ZNF185: variants seen among roughly 807,000 people sequenced by gnomAD.
ZNF185 encodes the protein zinc finger protein 185.
In ZNF185, 56 loss-of-function variants were observed where a neutral mutation model predicts 58.6. The observed-to-expected ratio is 0.95, with a 90% confidence interval of 0.77 to 1.19. The LOEUF is 1.19. Among genes scored for constraint, ZNF185 ranks in the 50% most tolerant of loss-of-function variants. The probability of loss-of-function intolerance (pLI) is 0.00; values close to 1 mark genes in which losing one functional copy is unlikely to be tolerated. For synonymous variants in ZNF185, 230 were observed against 215.9 expected, an observed-to-expected ratio of 1.07 and a Z score of -0.57; for missense variants, 627 against 573.5, an observed-to-expected ratio of 1.09 and a Z score of -0.95.
chrX:152,934,694 G>C (rs782727306), intron 14 of ZNF185, among the ~76,000 whole-genome samples: 3 of 112,331 alleles, frequency 2.7e-5, no homozygotes, highest in African/African-American at 9.7e-5. Flanking sequence ...TACAATGTAA[G>C]TGGTATGTAA....
intron 20 of ZNF185, among the ~76,000 whole-genome samples, chrX:152,967,886 C>A (rs913330474): frequency 2.7e-5 from 3 of 111,956 alleles, no homozygotes; most frequent in Non-Finnish European, 5.6e-5. Flanking sequence ...GAATAAATAG[C>A]CTTCAGTCCA....
chrX:152,952,761 T>G (rs2048413626), intron 16 of ZNF185, among the ~76,000 whole-genome samples: 1 of 110,644 alleles, frequency 9.0e-6, no homozygotes, highest in Non-Finnish European at 1.9e-5. Flanking sequence ...GAATCTTAGA[T>G]GAGCAGGTTT....
At chrX:152,966,524 T>G in intron 19 of ZNF185, among the ~76,000 whole-genome samples, 1 of 111,235 alleles carries the variant, frequency 9.0e-6, no homozygotes, top group South Asian at 3.8e-4. Context: ...GGGGTCAAGT[T>G]CAAGCCCCAG....
chrX:152,914,874 G>T, intron 2 of ZNF185, 41 bp downstream of exon 3: 4 of 1,162,016 alleles, frequency 3.4e-6, no homozygotes, highest in Non-Finnish European at 4.6e-6. Context: ...CAACGTGGGG[G>T]CGCGCAATCC....
At chrX:152,921,849 A>G (rs1556869746) in intron 9 of ZNF185, among the ~76,000 whole-genome samples, 1 of 111,432 alleles carries the variant, frequency 9.0e-6, no homozygotes, top group East Asian at 2.8e-4. Context: ...CCCTCTTCTT[A>G]CAAGGACAGC....
intron 15 of ZNF185, among the ~76,000 whole-genome samples, chrX:152,938,451 C>G (rs1556884822): frequency 8.9e-6 from 1 of 112,302 alleles, no homozygotes; most frequent in Non-Finnish European, 1.9e-5. Context: ...AGCATGCAGA[C>G]AAATCAGAAA....
chrX:152,908,624 C>T, the ZNF185 span, among the ~76,000 whole-genome samples: 3 of 112,625 alleles, frequency 2.7e-5, no homozygotes, highest in Admixed American at 9.3e-5. Context: ...TGAAGTGTCT[C>T]CTCCCTCCAG....
chrX:152,956,386 A>G (rs2048829107), intron 16 of ZNF185, among the ~76,000 whole-genome samples: 2 of 112,309 alleles, frequency 1.8e-5, no homozygotes, highest in Admixed American at 1.9e-4. Flanking sequence ...TAGAAACCCC[A>G]TATAATTTTG....
At chrX:152,931,194 CAACAAAA>C (rs1447715826) in intron 12 of ZNF185, among the ~76,000 whole-genome samples, 1 of 112,253 alleles carries the variant, frequency 8.9e-6, no homozygotes, top group Non-Finnish European at 1.9e-5. Flanking sequence ...AAAACAACAA[CAACAAAA>C]AACAAAAAAC....
the ZNF185 span, among the ~76,000 whole-genome samples, chrX:152,906,929 G>A: frequency 9.0e-6 from 1 of 110,799 alleles, no homozygotes; most frequent in African/African-American, 3.3e-5. Flanking sequence ...GGCTGAAGGC[G>A]TTTTGCTCCC....
intron 15 of ZNF185, among the ~76,000 whole-genome samples, chrX:152,942,010 A>G (rs1015530088): frequency 3.7e-5 from 4 of 109,056 alleles, no homozygotes; most frequent in African/African-American, 1.1e-4. Context: ...AGGGCTGCCC[A>G]GGGGGAGGGG....
chrX:152,962,911 G>A lies in ZNF185; in HGVS notation c.1608-928G>A, dbSNP rs781995147. Among the ~76,000 whole-genome samples, 5 of 112,985 alleles carry A rather than the reference G, an allele frequency of 4.4e-5. No individual in the cohort carries two copies. In the East Asian group the frequency reaches 1.4e-3, roughly 31 times the overall value. ...ACTCTTCAACTAGTTGTAATCTTAG[G>A]CATTGGATTCTCTGGCAAGGGGACA... On this transcript the variant is annotated intron_variant, in intron 17 of 22. Coordinates refer to ENST00000449285, the Ensembl canonical transcript of ZNF185.
At chrX:152,915,290 C>A (rs1938214497) in intron 3 of ZNF185, 87 bp downstream of exon 4, 1 of 995,067 alleles carries the variant, frequency 1.0e-6, no homozygotes, top group Non-Finnish European at 1.4e-6. Context: ...GAGGGGTGGG[C>A]AGTCCACAGG....
chrX:152,911,212 C>T (rs924017935), upstream of ZNF185, among the ~76,000 whole-genome samples: 9 of 111,828 alleles, frequency 8.0e-5, no homozygotes, highest in South Asian at 7.4e-4. Flanking sequence ...CTTAGCTCGG[C>T]GGAAGTTGGA....
chrX:152,946,859 C>T (rs1286162980), intron 16 of ZNF185, among the ~76,000 whole-genome samples: 1 of 111,163 alleles, frequency 9.0e-6, no homozygotes, highest in Non-Finnish European at 1.9e-5. Context: ...GGCACCTGCT[C>T]CTAGGCTGAG....
At chrX:152,914,624 A>G in intron 1 of ZNF185, 86 bp from the exon 3 acceptor site, 1 of 1,164,115 alleles carries the variant, frequency 8.6e-7, no homozygotes. Flanking sequence ...GCAAAGGGAG[A>G]GCAGCATACT....
exon 4 of ZNF185, chrX:152,917,137 G>A (rs1219230221): frequency 5.0e-6 from 6 of 1,209,811 alleles, no homozygotes; most frequent in Middle Eastern, 2.3e-4. Flanking sequence ...GCAGGCCTCC[G>A]AGCACAAGGG....
At chrX:152,913,242 G>C (rs1160880504), upstream of ZNF185, among the ~76,000 whole-genome samples, 3 of 112,244 alleles carry the variant, frequency 2.7e-5, no homozygotes, top group Non-Finnish European at 5.6e-5. Flanking sequence ...GCACAACCAG[G>C]GCCCTGCTTC....
chrX:152,911,174 C>T (rs1937120775), upstream of ZNF185, among the ~76,000 whole-genome samples: 1 of 111,681 alleles, frequency 9.0e-6, no homozygotes, highest in South Asian at 3.8e-4. Context: ...CTGGCCTCGA[C>T]GTGCCGGGCC....
Sources: allele counts gnomAD v4.1 joint callset (sites outside exome capture counted in the v4.1 genomes callset), GRCh38; gene constraint gnomAD v4.1.1; transcripts MANE v1.5; gene names NCBI Gene and HGNC (gene_info 2026-07-23, HGNC 2026-07-21).